Variants in ZNF407 observed in about 807,000 individuals in gnomAD.
The protein encoded by ZNF407 is zinc finger protein 407.
A neutral mutation model predicts 131.2 loss-of-function variants in ZNF407; 17 were observed. The ratio of observed to expected loss-of-function variants is 0.13; its 90% confidence interval spans 0.09 to 0.19. ZNF407 has a LOEUF of 0.19. Ranked by LOEUF, ZNF407 falls within the 10% of genes least tolerant of loss-of-function variation. The pLI is 1.00. For synonymous variants in ZNF407, 1,156 were observed against 1,062.0 expected (o/e 1.09, Z -1.72); for missense variants, 2,681 against 2,830.6 (o/e 0.95, Z 1.20).
In ZNF407 at chr18:75,016,308, G is replaced by T. The variant is rs146563648; in HGVS notation, c.5429-46842G>T. On this transcript the variant is annotated intron_variant, in intron 8 of 8. Transcript: ENST00000299687. The stretch of plus-strand genomic sequence containing the variant: ...ATTTCCTTATTTGGGGCTAATTTTT[G>T]ACTCCTTAAAATTAGTTAAATATAT... Among the ~76,000 whole-genome samples, 414 of 152,036 alleles carry T rather than the reference G, an allele frequency of 2.7e-3. 1 individual carries two copies. The highest frequency in any genetic ancestry group is 9.2e-3 in the African/African-American group (380 of 41,488).
intron 4 of ZNF407, among the ~76,000 whole-genome samples, chr18:74,797,568 G>A (rs1568220194): frequency 6.6e-6 from 1 of 152,222 alleles, no homozygotes; most frequent in Non-Finnish European, 1.5e-5. Flanking sequence ...TATTGTGGGA[G>A]TACAGGAATG....
At chr18:74,969,273 A>T (rs1299626559) in intron 8 of ZNF407, among the ~76,000 whole-genome samples, 1 of 152,074 alleles carries the variant, frequency 6.6e-6, no homozygotes, top group Non-Finnish European at 1.5e-5. Flanking sequence ...GCATCAGATG[A>T]CTGTCTTTCC....
intron 6 of ZNF407, among the ~76,000 whole-genome samples, chr18:74,888,601 G>A (rs893173096): frequency 6.6e-6 from 1 of 152,114 alleles, no homozygotes; most frequent in Admixed American, 6.6e-5. Flanking sequence ...ACATTCCCAA[G>A]CTGTTCCAAC....
At chr18:74,831,346 A>T (rs1190363097) in intron 4 of ZNF407, among the ~76,000 whole-genome samples, 1 of 152,142 alleles carries the variant, frequency 6.6e-6, no homozygotes, top group Non-Finnish European at 1.5e-5. Context: ...AGCTATCACC[A>T]CTATCCATCT....
chr18:75,001,480 C>T (rs1367317803), intron 8 of ZNF407, among the ~76,000 whole-genome samples: 1 of 152,102 alleles, frequency 6.6e-6, no homozygotes, highest in African/African-American at 2.4e-5. Flanking sequence ...GCAAAGAGCA[C>T]ATTTTTAGGT....
chr18:74,864,716 A>G (rs1157691077), intron 4 of ZNF407, among the ~76,000 whole-genome samples: 2 of 152,202 alleles, frequency 1.3e-5, no homozygotes. Context: ...ATGAAAGTAG[A>G]AAATAATTGA....
intron 4 of ZNF407, among the ~76,000 whole-genome samples, chr18:74,833,435 G>A (rs1568234578): frequency 6.6e-6 from 1 of 152,180 alleles, no homozygotes; most frequent in South Asian, 2.1e-4. Context: ...TTATTGCATT[G>A]TCAAGAACGA....
intron 1 of ZNF407, among the ~76,000 whole-genome samples, chr18:74,605,476 A>G (rs1389663847): frequency 6.6e-6 from 1 of 152,228 alleles, no homozygotes; most frequent in Admixed American, 6.5e-5. Context: ...GCTGTTATCC[A>G]GCAGTGGTCA....
intron 8 of ZNF407, among the ~76,000 whole-genome samples, chr18:74,972,406 C>G (rs911360316): frequency 5.3e-5 from 8 of 152,212 alleles, no homozygotes; most frequent in Non-Finnish European, 1.2e-4. Flanking sequence ...CACCTTAAAT[C>G]TGCTCTTCCT....
chr18:74,720,062 T>A (rs931515751), intron 3 of ZNF407, among the ~76,000 whole-genome samples: 7 of 151,770 alleles, frequency 4.6e-5, no homozygotes, highest in African/African-American at 7.3e-5. Flanking sequence ...TATTTTTTTT[T>A]TGAAGAAGAA....
At chr18:74,656,786 AT>A (rs1203821995) in intron 3 of ZNF407, among the ~76,000 whole-genome samples, 1 of 152,208 alleles carries the variant, frequency 6.6e-6, no homozygotes, top group African/African-American at 2.4e-5. Context: ...TGTATAGATT[AT>A]TTACCAAGAA....
intron 1 of ZNF407, among the ~76,000 whole-genome samples, chr18:74,599,234 C>A (rs8099286): frequency 0.7 from 105,726 of 151,992 alleles, 37,297 homozygotes; most frequent in East Asian, 0.98. Context: ...GCTACTGGTA[C>A]AAGGTAAAGC....
intron 4 of ZNF407, among the ~76,000 whole-genome samples, chr18:74,840,155 C>CT (rs1970612762): frequency 6.6e-6 from 1 of 152,208 alleles, no homozygotes; most frequent in South Asian, 2.1e-4. Flanking sequence ...GGAAACCACA[C>CT]TTTCTTGGTC....
At chr18:74,720,231 C>G (rs149055554) in intron 3 of ZNF407, among the ~76,000 whole-genome samples, 1 of 151,506 alleles carries the variant, frequency 6.6e-6, no homozygotes, top group Non-Finnish European at 1.5e-5. Context: ...GATGAGACCT[C>G]GGTGTGGTTT....
intron 6 of ZNF407, among the ~76,000 whole-genome samples, chr18:74,884,108 A>G (rs569278013): frequency 2.0e-5 from 3 of 152,344 alleles, no homozygotes; most frequent in East Asian, 3.9e-4. Flanking sequence ...TCAGTCTGCC[A>G]TCAGTTTTTC....
chr18:74,895,823 C>T (rs1298337402), intron 7 of ZNF407, among the ~76,000 whole-genome samples: 1 of 152,136 alleles, frequency 6.6e-6, no homozygotes, highest in Non-Finnish European at 1.5e-5. Flanking sequence ...TTTCAGCAGC[C>T]TCCTGAGTTA....
intron 8 of ZNF407, among the ~76,000 whole-genome samples, chr18:75,013,742 G>C (rs1973011069): frequency 6.6e-6 from 1 of 152,062 alleles, no homozygotes; most frequent in Non-Finnish European, 1.5e-5. Flanking sequence ...CCCCTGAAGA[G>C]CTCTGAGGAA....
chr18:74,753,591 T>C (rs1283655692), intron 3 of ZNF407, among the ~76,000 whole-genome samples: 1 of 152,246 alleles, frequency 6.6e-6, no homozygotes, highest in Non-Finnish European at 1.5e-5. Context: ...GTCAAAGGAC[T>C]TTTCTGCATC....
chr18:74,891,043 A>G (rs1971377840), intron 7 of ZNF407, among the ~76,000 whole-genome samples: 1 of 152,216 alleles, frequency 6.6e-6, no homozygotes, highest in African/African-American at 2.4e-5. Flanking sequence ...CTTCGTGCAG[A>G]AGAGTGTGAG....
Sources: allele counts gnomAD v4.1 joint callset (sites outside exome capture counted in the v4.1 genomes callset), GRCh38; gene constraint gnomAD v4.1.1; transcripts MANE v1.5; gene names NCBI Gene and HGNC (gene_info 2026-07-23, HGNC 2026-07-21).